Variants in ADGRF5 observed in about 807,000 individuals in gnomAD.
ADGRF5 encodes the protein G-protein coupled receptor 116.
A neutral mutation model predicts 132.3 loss-of-function variants in ADGRF5; 75 were observed. That is an observed-to-expected ratio of 0.57 (90% CI 0.47 to 0.69). The LOEUF (loss-of-function observed/expected upper bound fraction) is 0.69, where lower values mean the gene tolerates loss of function less well. Among genes scored for constraint, ADGRF5 ranks in the 30% least tolerant of loss-of-function variants. The pLI is 0.00. For missense variants in ADGRF5, 1,516 were observed against 1,630.6 expected (o/e 0.93, Z 1.21); for synonymous variants, 629 against 597.6 (o/e 1.05, Z -0.77).
chr6:46,875,234 T>C (rs566953503), intron 10 of ADGRF5, among the ~76,000 whole-genome samples: 19 of 152,220 alleles, frequency 1.2e-4, no homozygotes, highest in African/African-American at 3.6e-4. Flanking sequence ...GACTTCCAAA[T>C]TGGCATCATT....
At position 46,888,409 on chromosome 6, in the gene ADGRF5, T is replaced by C. The variant is rs758780808; in HGVS notation, c.254A>G (p.Asn85Ser). 3 of 1,611,034 alleles carry C rather than the reference T, an allele frequency of 1.9e-6. No individual in the cohort carries two copies. The highest frequency in any genetic ancestry group is 2.2e-5 in the South Asian group (2 of 91,032). The change falls in exon 4 of 21, where the codon AAC becomes AGC. Residue 85 changes from asparagine (N) to serine (S), a missense_variant. Physicochemically the swap from Asn to Ser is conservative, Grantham distance 46. Transcript: ENST00000283296. Reference protein sequence around the residue: ...SFLDPIKAYLNSLSFPIHGNN... With the variant: ...SFLDPIKAYLSSLSFPIHGNN... ...CCCATGAATTGGAAAACTGAGGCTG[T>C]TCAAGTAGGCTTTGATAGGATCCAG...
chr6:46,862,148 G>A (rs1008045258), intron 15 of ADGRF5, among the ~76,000 whole-genome samples: 2 of 152,002 alleles, frequency 1.3e-5, no homozygotes, highest in African/African-American at 4.8e-5. Context: ...ACACATATAA[G>A]TATTACCCTT....
chr6:46,943,152 A>G (rs1778162023), intron 1 of ADGRF5, among the ~76,000 whole-genome samples: 1 of 117,588 alleles, frequency 8.5e-6, no homozygotes, highest in Non-Finnish European at 1.8e-5. Context: ...TTACACATAC[A>G]AAAAAAAAAA....
At chr6:46,904,078 G>A (rs564246503) in intron 2 of ADGRF5, among the ~76,000 whole-genome samples, 5 of 152,282 alleles carry the variant, frequency 3.3e-5, no homozygotes, top group African/African-American at 7.2e-5. Context: ...ACTGGAGCAG[G>A]ATCCAGGGCA....
At chr6:46,904,834 C>T (rs1383366720) in intron 2 of ADGRF5, among the ~76,000 whole-genome samples, 2 of 152,148 alleles carry the variant, frequency 1.3e-5, no homozygotes, top group East Asian at 3.9e-4. Context: ...CAGGCAGGCT[C>T]AAGTGCACTT....
chr6:46,888,075 T>A, intron 4 of ADGRF5: 1 of 314,830 alleles, frequency 3.2e-6, no homozygotes, highest in East Asian at 6.1e-5. Context: ...GGCCATATCT[T>A]GGGATCACTT....
At chr6:46,953,683 A>G (rs988965083) in intron 1 of ADGRF5, among the ~76,000 whole-genome samples, 2 of 126,642 alleles carry the variant, frequency 1.6e-5, no homozygotes, top group Non-Finnish European at 3.4e-5. Flanking sequence ...ATATATATAT[A>G]TATATATCTC....
intron 1 of ADGRF5, among the ~76,000 whole-genome samples, chr6:46,941,406 G>T (rs931299638): frequency 7.1e-5 from 2 of 28,126 alleles, no homozygotes; most frequent in Middle Eastern, 0.012. Context: ...GAAAAGAAAA[G>T]AAAAGAAAAG....
intron 6 of ADGRF5, 46 bp downstream of exon 6, chr6:46,883,513 G>T: frequency 1.1e-6 from 1 of 935,898 alleles, no homozygotes; most frequent in Non-Finnish European, 1.7e-6. Flanking sequence ...ACTCAGTTCA[G>T]TCCAAACAGT....
chr6:46,943,195 G>A (rs1211382802), intron 1 of ADGRF5, among the ~76,000 whole-genome samples: 2 of 151,990 alleles, frequency 1.3e-5, no homozygotes, highest in African/African-American at 2.4e-5. Context: ...TAAGTAAGGA[G>A]AACTTGTAGA....
chr6:46,916,080 T>C (rs1343708553), intron 1 of ADGRF5, among the ~76,000 whole-genome samples: 1 of 152,188 alleles, frequency 6.6e-6, no homozygotes, highest in Non-Finnish European at 1.5e-5. Flanking sequence ...ACAGCTCTTC[T>C]CTCTTGACAC....
chr6:46,881,170 T>C (rs1772420489), intron 8 of ADGRF5, among the ~76,000 whole-genome samples: 1 of 152,202 alleles, frequency 6.6e-6, no homozygotes, highest in Non-Finnish European at 1.5e-5. Context: ...ACCTCCACTG[T>C]GATATTAGTT....
chr6:46,889,086 C>G (rs1434562697), intron 3 of ADGRF5, among the ~76,000 whole-genome samples: 3 of 151,286 alleles, frequency 2.0e-5, no homozygotes, highest in Admixed American at 1.3e-4. Context: ...CAAATTGTCT[C>G]CGGGTGGTTA....
At chr6:46,900,801 T>C (rs752307703) in intron 2 of ADGRF5, among the ~76,000 whole-genome samples, 2 of 152,202 alleles carry the variant, frequency 1.3e-5, no homozygotes, top group African/African-American at 2.4e-5. Flanking sequence ...AACTACAGTA[T>C]GGCATATAGT....
intron 4 of ADGRF5, among the ~76,000 whole-genome samples, chr6:46,884,772 C>G (rs1772875026): frequency 6.6e-6 from 1 of 152,166 alleles, no homozygotes; most frequent in Non-Finnish European, 1.5e-5. Flanking sequence ...CTCTTTCTCC[C>G]CTCACTCTGG....
chr6:46,943,245 T>C (rs985155669), intron 1 of ADGRF5, among the ~76,000 whole-genome samples: 8 of 152,202 alleles, frequency 5.3e-5, no homozygotes, highest in African/African-American at 1.9e-4. Flanking sequence ...AGAAAGTTGC[T>C]AAGTTTTGTC....
rs577629332 is a variant in ADGRF5, at chr6:46,929,188, T to C, written c.-24-22402A>G. Among the ~76,000 whole-genome samples the C allele has an allele frequency of 2.7e-3, 406 of 152,222 alleles. 3 individuals carry two copies. The highest frequency in any genetic ancestry group is 9.3e-3 in the African/African-American group (384 of 41,502). On this transcript the variant is annotated intron_variant, in intron 1 of 20. Coordinates refer to the ADGRF5 transcript ENST00000265417. ...TAAAAAAGGATGAGTTCATGTCCTT[T>C]GTAGGGACATGGATGAAGCTGGAAA...
chr6:46,867,282 A>G, intron 12 of ADGRF5, 145 bp from the exon 13 acceptor site: 1 of 596,508 alleles, frequency 1.7e-6, no homozygotes, highest in Non-Finnish European at 3.0e-6. Context: ...GGAGGAAAAA[A>G]TGCTTGATTG....
intron 4 of ADGRF5, among the ~76,000 whole-genome samples, chr6:46,887,245 G>A (rs1335284610): frequency 6.6e-6 from 1 of 152,120 alleles, no homozygotes; most frequent in African/African-American, 2.4e-5. Context: ...AAAAAATTTG[G>A]GAAGCAAAAT....
Sources: gnomAD v4.1 joint callset for allele counts (sites outside exome capture counted in the v4.1 genomes callset) on GRCh38, gnomAD v4.1.1 for gene constraint, MANE v1.5 for transcripts, NCBI Gene and HGNC (gene_info 2026-07-23, HGNC 2026-07-21) for gene names.